Variants in SPMIP3 observed in about 807,000 individuals in gnomAD.
SPMIP3 encodes protein SPMIP3.
the SPMIP3 span, among the ~76,000 whole-genome samples, chr1:244,372,476 C>T: frequency 3.4e-5 from 5 of 148,862 alleles, no homozygotes; most frequent in African/African-American, 1.2e-4. Context: ...TGGAGTCTCA[C>T]TCTGTCCCCC....
At chr1:244,372,704 A>C in the SPMIP3 span, among the ~76,000 whole-genome samples, 1 of 152,120 alleles carries the variant, frequency 6.6e-6, no homozygotes, top group Non-Finnish European at 1.5e-5. Context: ...TGGCCTCCCA[A>C]AGTGCTGGGA....
chr1:244,375,315 T>C, the SPMIP3 span: 1 of 1,387,648 alleles, frequency 7.2e-7, no homozygotes, highest in Non-Finnish European at 1.0e-6. Context: ...GGCATTCTTC[T>C]GGAATGAACT....
At chr1:244,377,520 T>A in the SPMIP3 span, among the ~76,000 whole-genome samples, 6 of 152,352 alleles carry the variant, frequency 3.9e-5, no homozygotes, top group African/African-American at 1.2e-4. Flanking sequence ...CCCACTCTTT[T>A]TATTATCATA....
At chr1:244,368,898 C>T in the SPMIP3 span, among the ~76,000 whole-genome samples, 3 of 152,164 alleles carry the variant, frequency 2.0e-5, no homozygotes, top group South Asian at 2.1e-4. Flanking sequence ...CGGTGGCTGA[C>T]GCCAGTGATC....
At chr1:244,355,567 T>C in the SPMIP3 span, among the ~76,000 whole-genome samples, 1 of 152,108 alleles carries the variant, frequency 6.6e-6, no homozygotes, top group Non-Finnish European at 1.5e-5. Context: ...TTTGTGTTTT[T>C]AGTAGAGACA....
chr1:244,364,359 C>T, the SPMIP3 span, among the ~76,000 whole-genome samples: 1 of 152,182 alleles, frequency 6.6e-6, no homozygotes, highest in Admixed American at 6.5e-5. Flanking sequence ...CCCACCTCAG[C>T]CTCCCAAAGT....
At chr1:244,378,852 GGGA>G in the SPMIP3 span, among the ~76,000 whole-genome samples, 40,036 of 151,952 alleles carry the variant, frequency 0.26, 5,501 homozygotes, top group East Asian at 0.47. Flanking sequence ...GGAGACTTCA[GGGA>G]GGATGGAAAT....
chr1:244,364,906 G>A, the SPMIP3 span: 1 of 842,502 alleles, frequency 1.2e-6, no homozygotes, highest in African/African-American at 1.7e-5. Context: ...CTGATGAGCA[G>A]GTCTGTGCAA....
chr1:244,365,066 G>A, the SPMIP3 span, among the ~76,000 whole-genome samples: 1 of 152,184 alleles, frequency 6.6e-6, no homozygotes, highest in African/African-American at 2.4e-5. Context: ...GGATGTCTGC[G>A]CCATTACCCC....
the SPMIP3 span, among the ~76,000 whole-genome samples, chr1:244,355,440 T>G: frequency 1.1e-4 from 16 of 152,020 alleles, no homozygotes; most frequent in Admixed American, 9.9e-4. Context: ...CAGGCTGGAG[T>G]GTAGTGGTGT....
At chr1:244,374,351 T>A in the SPMIP3 span, among the ~76,000 whole-genome samples, 18 of 151,824 alleles carry the variant, frequency 1.2e-4, no homozygotes, top group South Asian at 2.7e-3. Flanking sequence ...AGGGCTCGAG[T>A]CCCCCTCCCA....
At chr1:244,376,351 T>A in the SPMIP3 span, 1 of 152,216 alleles carries the variant, frequency 6.6e-6, no homozygotes, top group African/African-American at 2.4e-5. Flanking sequence ...CCTCTAAGTG[T>A]GATGAGTTCA....
At chr1:244,364,617 A>C in the SPMIP3 span, 4 of 1,243,604 alleles carry the variant, frequency 3.2e-6, no homozygotes, top group Non-Finnish European at 4.7e-6. Flanking sequence ...ACTTTGTGGT[A>C]CTAGATATCT....
the SPMIP3 span, among the ~76,000 whole-genome samples, chr1:244,362,692 A>G: frequency 6.6e-6 from 1 of 152,142 alleles, no homozygotes. Context: ...CTACACCACT[A>G]GCCATGTTTG....
the SPMIP3 span, among the ~76,000 whole-genome samples, chr1:244,370,943 G>A: frequency 6.6e-6 from 1 of 152,142 alleles, no homozygotes; most frequent in Non-Finnish European, 1.5e-5. Context: ...GATTAAGTGA[G>A]ATCATTTCTG....
At chr1:244,376,664 A>G in the SPMIP3 span, among the ~76,000 whole-genome samples, 8 of 152,208 alleles carry the variant, frequency 5.3e-5, no homozygotes, top group African/African-American at 1.9e-4. Flanking sequence ...CTGCATTGAG[A>G]TAATTCACAT....
chr1:244,363,667 G>A, the SPMIP3 span, among the ~76,000 whole-genome samples: 1 of 152,166 alleles, frequency 6.6e-6, no homozygotes, highest in African/African-American at 2.4e-5. Flanking sequence ...TTGAGTTCAA[G>A]AACCTACTCC....
chr1:244,368,866 T>A, the SPMIP3 span, among the ~76,000 whole-genome samples: 50 of 152,206 alleles, frequency 3.3e-4, no homozygotes, highest in Middle Eastern at 0.014. Context: ...ATTCTTGTAT[T>A]CATCATCATA....
chr1:244,354,452 T>TTCAAACGATTCTCCTGCC, the SPMIP3 span, among the ~76,000 whole-genome samples: 1 of 151,448 alleles, frequency 6.6e-6, no homozygotes, highest in African/African-American at 2.4e-5. Context: ...CACCTCCTGG[T>TTCAAACGATTCTCCTGCC]TCAAACGATT....
Sources: gnomAD v4.1 joint callset for allele counts (sites outside exome capture counted in the v4.1 genomes callset) on GRCh38, gnomAD v4.1.1 for gene constraint, MANE v1.5 for transcripts, NCBI Gene and HGNC (gene_info 2026-07-23, HGNC 2026-07-21) for gene names.